Variants in RBFOX1 observed in about 807,000 individuals in gnomAD.
RBFOX1 encodes RNA binding fox-1 homolog 1.
RBFOX1 carries 8 observed loss-of-function variants against 57.7 expected under a neutral mutation model. The observed-to-expected ratio is 0.14, with a 90% CI of 0.08 to 0.25. The LOEUF (loss-of-function observed/expected upper bound fraction) is 0.25, where lower values mean the gene tolerates loss of function less well. Among genes scored for constraint, RBFOX1 ranks in the 10% least tolerant of loss-of-function variants. The probability of loss-of-function intolerance (pLI) is 1.00; values close to 1 mark genes in which losing one functional copy is unlikely to be tolerated. For missense variants in RBFOX1, 611 were observed against 548.5 expected (o/e 1.11, Z -1.14); for synonymous variants, 326 against 222.4 (o/e 1.47, Z -4.15).
intron 3 of RBFOX1, chr16:5,616,306 C>T (rs971533662): frequency 1.3e-5 from 2 of 152,280 alleles, no homozygotes; most frequent in African/African-American, 4.8e-5. Flanking sequence ...CTGGTGGCCG[C>T]TTCCTGGAGC....
intron 4 of RBFOX1, among the ~76,000 whole-genome samples, chr16:7,396,455 T>A (rs908878769): frequency 1.5e-4 from 22 of 151,712 alleles, no homozygotes; most frequent in African/African-American, 5.3e-4. Context: ...CTGAAGGTTT[T>A]TATTGCCATT....
chr16:7,153,018 T>C (rs1490420546), intron 4 of RBFOX1, among the ~76,000 whole-genome samples: 1 of 152,232 alleles, frequency 6.6e-6, no homozygotes, highest in Non-Finnish European at 1.5e-5. Context: ...TTTGTGATTC[T>C]AATATATTTT....
At chr16:7,185,839 T>A (rs2083619260) in intron 4 of RBFOX1, among the ~76,000 whole-genome samples, 1 of 152,042 alleles carries the variant, frequency 6.6e-6, no homozygotes, top group African/African-American at 2.4e-5. Context: ...TGAACAAGAG[T>A]GATTTGGATT....
intron 3 of RBFOX1, among the ~76,000 whole-genome samples, chr16:5,752,295 G>A (rs1288291912): frequency 6.6e-6 from 1 of 152,158 alleles, no homozygotes; most frequent in Non-Finnish European, 1.5e-5. Context: ...GAGGGTGGGA[G>A]GAGAGAGAGG....
At chr16:6,741,611 G>T (rs2072142271) in intron 3 of RBFOX1, among the ~76,000 whole-genome samples, 1 of 151,594 alleles carries the variant, frequency 6.6e-6, no homozygotes. Flanking sequence ...GGAGGTTGCG[G>T]TGAGCCGAGA....
At chr16:6,986,416 C>T (rs987301742) in intron 3 of RBFOX1, among the ~76,000 whole-genome samples, 9 of 152,138 alleles carry the variant, frequency 5.9e-5, no homozygotes, top group Non-Finnish European at 1.2e-4. Flanking sequence ...CCAGGCTGGT[C>T]TGGAACTCCT....
intron 4 of RBFOX1, among the ~76,000 whole-genome samples, chr16:7,282,745 C>T (rs532910207): frequency 2.6e-5 from 4 of 152,198 alleles, no homozygotes; most frequent in Non-Finnish European, 5.9e-5. Context: ...CACCCTTTCT[C>T]CCTGAGTCCC....
At chr16:7,603,029 T>G (rs1395321776) in intron 9 of RBFOX1, among the ~76,000 whole-genome samples, 1 of 152,118 alleles carries the variant, frequency 6.6e-6, no homozygotes, top group Admixed American at 6.6e-5. Flanking sequence ...TGACATAAAT[T>G]AAAATGGAAA....
At chr16:6,400,664 A>T (rs1440358071) in intron 2 of RBFOX1, among the ~76,000 whole-genome samples, 1 of 152,210 alleles carries the variant, frequency 6.6e-6, no homozygotes. Flanking sequence ...CGGGCAAGTT[A>T]CTTGAAATCA....
chr16:7,130,854 C>G (rs977417445), intron 4 of RBFOX1, among the ~76,000 whole-genome samples: 1 of 152,094 alleles, frequency 6.6e-6, no homozygotes, highest in Non-Finnish European at 1.5e-5. Context: ...ATCTATCAGG[C>G]AATCCTGGGG....
intron 1 of RBFOX1, among the ~76,000 whole-genome samples, chr16:5,373,637 C>T (rs1355306859): frequency 1.3e-5 from 2 of 151,922 alleles, no homozygotes; most frequent in African/African-American, 4.8e-5. Flanking sequence ...TGGAATCTCT[C>T]TCTGTCACCC....
At chr16:7,683,034 A>ATATATATATATATAT (rs1568439301) in intron 14 of RBFOX1, among the ~76,000 whole-genome samples, 5 of 92,582 alleles carry the variant, frequency 5.4e-5, no homozygotes, top group Non-Finnish European at 8.7e-5. Context: ...ATATATATAT[A>ATATATATATATATAT]AAACAGTGCT....
At chr16:5,599,043 A>T (rs1249146464) in exon 3 of RBFOX1, 1 of 1,215,024 alleles carries the variant, frequency 8.2e-7, no homozygotes, top group Non-Finnish European at 1.2e-6. Flanking sequence ...CTCCGTCATC[A>T]ATCACCGGGA....
chr16:7,471,871 A>C (rs1246089270), intron 4 of RBFOX1, among the ~76,000 whole-genome samples: 2 of 152,194 alleles, frequency 1.3e-5, no homozygotes, highest in African/African-American at 4.8e-5. Context: ...AGGTGTCACT[A>C]GTTTAGCAAC....
chr16:6,780,201 TTATATATTTATATATATTTATA>T (rs1567214151), intron 3 of RBFOX1, among the ~76,000 whole-genome samples: 4 of 16,458 alleles, frequency 2.4e-4, no homozygotes, highest in Non-Finnish European at 3.2e-4. Flanking sequence ...TTATATATTT[TTATATATTTATATATATTTATA>T]TATATATTTA....
intron 1 of RBFOX1, among the ~76,000 whole-genome samples, chr16:6,238,825 C>T (rs566520170): frequency 1.9e-4 from 29 of 152,184 alleles, no homozygotes; most frequent in South Asian, 4.1e-4. Flanking sequence ...TTGATATAGA[C>T]GTGCAATGTG....
At chr16:5,245,309 A>T (rs1028720241) in intron 1 of RBFOX1, among the ~76,000 whole-genome samples, 5 of 152,092 alleles carry the variant, frequency 3.3e-5, no homozygotes, top group Non-Finnish European at 7.4e-5. Context: ...CAAGGACAGG[A>T]AGTTGACTTT....
intron 2 of RBFOX1, among the ~76,000 whole-genome samples, chr16:5,517,477 C>G (rs1597373870): frequency 6.6e-6 from 1 of 152,292 alleles, no homozygotes; most frequent in Middle Eastern, 3.4e-3. Flanking sequence ...GGCTCAGTCT[C>G]TGAATGTACT....
chr16:5,489,174 A>G (rs1392527538), intron 2 of RBFOX1, among the ~76,000 whole-genome samples: 1 of 152,230 alleles, frequency 6.6e-6, no homozygotes, highest in Non-Finnish European at 1.5e-5. Context: ...TTTCTGCATG[A>G]TAGGAATTCC....
Sources: allele counts gnomAD v4.1 joint callset (sites outside exome capture counted in the v4.1 genomes callset), GRCh38; gene constraint gnomAD v4.1.1; transcripts MANE v1.5; gene names NCBI Gene and HGNC (gene_info 2026-07-23, HGNC 2026-07-21).